Variants in CAMTA1 observed in about 807,000 individuals in gnomAD.
CAMTA1 encodes the protein calmodulin-binding transcription activator 1.
A neutral mutation model predicts 170.9 loss-of-function variants in CAMTA1; 27 were observed. That is an observed-to-expected ratio of 0.16 (90% CI 0.12 to 0.22). The LOEUF (loss-of-function observed/expected upper bound fraction) is 0.22. Ranked by LOEUF, CAMTA1 falls within the 10% of genes least tolerant of loss-of-function variation. CAMTA1 has a pLI of 1.00. For synonymous variants in CAMTA1, 833 were observed against 891.5 expected (o/e 0.93, Z 1.17); for missense variants, 1,619 against 2,217.2 (o/e 0.73, Z 5.42).
intron 6 of CAMTA1, among the ~76,000 whole-genome samples, chr1:7,559,064 A>C (rs2094921493): frequency 6.6e-6 from 1 of 152,196 alleles, no homozygotes; most frequent in Admixed American, 6.5e-5. Flanking sequence ...AGGAGCCACC[A>C]GGAGAGAAAG....
rs186247644 is a variant in CAMTA1, at chr1:7,562,690, G to A, written c.511-77710G>A. On this transcript the variant is annotated intron_variant, in intron 6 of 22. Transcript: ENST00000303635. This position sits in a 1 kb window ranked among gnomAD's most constrained non-coding sequence, Gnocchi z 4.8. ...CTGCTCAGATGGTTTATCTGACCCC[G>A]CAGCTGGCACGGAGATGCTGGGAGA... Among the ~76,000 whole-genome samples, 2 of 152,302 alleles carry A rather than the reference G, an allele frequency of 1.3e-5. No individual in the cohort carries two copies. Among genetic ancestry groups the A allele is most frequent in the East Asian group, 3.9e-4 (2 of 5,188 alleles).
At chr1:7,372,112 G>A (rs1029246662) in intron 5 of CAMTA1, among the ~76,000 whole-genome samples, 8 of 152,164 alleles carry the variant, frequency 5.3e-5, no homozygotes, top group Non-Finnish European at 8.8e-5. Context: ...GGCTCACAGT[G>A]TCAAGAACAG....
chr1:7,741,035 G>C (rs1171615526), intron 16 of CAMTA1, among the ~76,000 whole-genome samples: 6 of 152,144 alleles, frequency 3.9e-5, no homozygotes, highest in Admixed American at 3.9e-4. Flanking sequence ...AGCAATTATC[G>C]ATAGTGTGGT....
intron 1 of CAMTA1, among the ~76,000 whole-genome samples, chr1:6,816,982 G>GT (rs749103822): frequency 1.3e-5 from 2 of 152,148 alleles, no homozygotes; most frequent in Non-Finnish European, 2.9e-5. Flanking sequence ...TTTAACTTTG[G>GT]TTTCTTTCCT....
chr1:6,884,125 C>T (rs1270150587), intron 3 of CAMTA1, among the ~76,000 whole-genome samples: 2 of 151,974 alleles, frequency 1.3e-5, no homozygotes, highest in African/African-American at 4.8e-5. Flanking sequence ...GGTCGTGGTT[C>T]ATGAAGGATT....
At chr1:7,655,113 CCTATA>C (rs1268445396) in intron 7 of CAMTA1, among the ~76,000 whole-genome samples, 17 of 75,476 alleles carry the variant, frequency 2.3e-4, no homozygotes, top group South Asian at 5.4e-4. Context: ...TATACACACA[CCTATA>C]CACACACCTC....
At chr1:6,988,260 G>A (rs1475871117) in intron 3 of CAMTA1, among the ~76,000 whole-genome samples, 1 of 152,144 alleles carries the variant, frequency 6.6e-6, no homozygotes, top group African/African-American at 2.4e-5. Context: ...CCGAAAGCTG[G>A]TGCTGGGCTT....
intron 3 of CAMTA1, among the ~76,000 whole-genome samples, chr1:7,074,736 A>T (rs1258386249): frequency 6.6e-6 from 1 of 152,218 alleles, no homozygotes; most frequent in East Asian, 1.9e-4. Context: ...CCCTGTTTTA[A>T]GTACTTTACA....
At chr1:6,874,839 G>T (rs535987159) in intron 3 of CAMTA1, among the ~76,000 whole-genome samples, 1 of 152,080 alleles carries the variant, frequency 6.6e-6, no homozygotes, top group Admixed American at 6.5e-5. Context: ...TCCCTTTTAC[G>T]CTTGGTAAGG....
At chr1:7,276,303 A>ATATATATTTTTTTTTTTTTTTTT in intron 5 of CAMTA1, among the ~76,000 whole-genome samples, 7 of 24,230 alleles carry the variant, frequency 2.9e-4, no homozygotes, top group African/African-American at 5.9e-4. Context: ...ATATATATAT[A>ATATATATTTTTTTTTTTTTTTTT]TTTTTTTTTT....
In CAMTA1 at chr1:7,664,502, C is replaced by T. The variant is rs144242373; in HGVS notation, c.1955C>T (p.Ser652Leu). The T allele has an allele frequency of 1.6e-3, 2,612 of 1,613,292 alleles. 5 individuals carry two copies. Among genetic ancestry groups the T allele is most frequent in the Non-Finnish European group, 2.0e-3 (2,408 of 1,180,038 alleles). ...FVMPTVKTEASSQTSSCSGHV... is the reference protein window; with the variant it reads ...FVMPTVKTEALSQTSSCSGHV... ...ATGCCCACGGTGAAAACGGAGGCCT[C>T]GTCCCAAACCAGCTCCTGCAGCGGT... Residue 652 changes from serine (S) to leucine (L), a missense_variant, in exon 9 of 23, where the codon TCG (serine) becomes TTG (leucine). By Grantham distance (145) the Ser-to-Leu change is moderately radical. This residue lies in a region of CAMTA1 where 731 missense variants were observed against 907.6 expected (regional missense o/e 0.81). Coordinates refer to ENST00000303635, the MANE Select transcript of CAMTA1 (RefSeq NM_015215.4).
chr1:6,837,776 T>A (rs34349761), intron 3 of CAMTA1, among the ~76,000 whole-genome samples: 10,042 of 152,220 alleles, frequency 0.066, 378 homozygotes, highest in Middle Eastern at 0.099. Flanking sequence ...GCTTTAATTA[T>A]TATTAATCAA....
intron 6 of CAMTA1, among the ~76,000 whole-genome samples, chr1:7,608,047 C>T (rs1415554486): frequency 1.3e-5 from 2 of 152,150 alleles, no homozygotes; most frequent in East Asian, 1.9e-4. Context: ...CTCCTGAGCC[C>T]CTGTCCTCAA....
intron 19 of CAMTA1, among the ~76,000 whole-genome samples, chr1:7,750,207 A>G (rs2096886572): frequency 6.6e-6 from 1 of 152,222 alleles, no homozygotes. Flanking sequence ...AAGGTAAAGC[A>G]GGTCAGATAA....
chr1:7,559,041 T>A (rs1284082783), intron 6 of CAMTA1, among the ~76,000 whole-genome samples: 1 of 152,138 alleles, frequency 6.6e-6, no homozygotes, highest in Non-Finnish European at 1.5e-5. Flanking sequence ...GTGTCTGAAC[T>A]GAGAAGGAAG....
rs2096077109 is a variant in CAMTA1, at chr1:7,673,324, A to T, written c.2779+2287A>T. On this transcript the variant is annotated intron_variant, in intron 10 of 22. Transcript: ENST00000303635. This position sits in a 1 kb window ranked among gnomAD's most constrained non-coding sequence, Gnocchi z 4.6. Reference sequence around the variant, plus strand: ...TCAGTGCCTGACCTCTCTGGGCCTCAGTTTCTACAGCTCTGAAAACTGCCT... The same window carrying T: ...TCAGTGCCTGACCTCTCTGGGCCTCTGTTTCTACAGCTCTGAAAACTGCCT... 1.3e-5 allele frequency among the ~76,000 whole-genome samples: 2 copies of T among 152,248 alleles called. No homozygotes were observed. Among genetic ancestry groups the T allele is most frequent in the South Asian group, 4.1e-4 (2 of 4,834 alleles).
chr1:7,484,715 G>A (rs183425420), intron 6 of CAMTA1, among the ~76,000 whole-genome samples: 2 of 152,252 alleles, frequency 1.3e-5, no homozygotes, highest in Non-Finnish European at 2.9e-5. Flanking sequence ...CATGAACCTG[G>A]GAGGCGGAGC....
intron 5 of CAMTA1, among the ~76,000 whole-genome samples, chr1:7,351,110 G>T (rs960969514): frequency 6.6e-6 from 1 of 152,226 alleles, no homozygotes. Context: ...CCTAGGAATT[G>T]TGGGGACTAG....
At chr1:7,232,309 C>T in intron 4 of CAMTA1, among the ~76,000 whole-genome samples, 1 of 152,178 alleles carries the variant, frequency 6.6e-6, no homozygotes, top group East Asian at 1.9e-4. Flanking sequence ...CTTCTCAGCA[C>T]TCATGGCCGG....
Sources: allele counts gnomAD v4.1 joint callset (sites outside exome capture counted in the v4.1 genomes callset), GRCh38; gene constraint gnomAD v4.1.1; regional missense constraint gnomAD v4.1.1; non-coding constraint Gnocchi (gnomAD v3.1); transcripts MANE v1.5; gene names NCBI Gene and HGNC (gene_info 2026-07-23, HGNC 2026-07-21).